Variants in ZNF469 observed in about 807,000 individuals in gnomAD.
ZNF469 encodes zinc finger protein 469.
A neutral mutation model predicts 1.0 loss-of-function variants in ZNF469; 1 was observed. The observed-to-expected ratio is 1.00, with a 90% CI of 0.35 to 4.73. The LOEUF (loss-of-function observed/expected upper bound fraction) is 4.73. Among genes scored for constraint, ZNF469 ranks in the 30% most tolerant of loss-of-function variants. The pLI, the probability that ZNF469 is intolerant of heterozygous loss-of-function variation, is 0.16. For missense variants in ZNF469, 6,100 were observed against 5,356.3 expected (o/e 1.14, Z -4.33); for synonymous variants, 2,703 against 2,363.4 (o/e 1.14, Z -4.17).
At chr16:88,194,276 C>T in the ZNF469 span, 57 of 152,364 alleles carry the variant, frequency 3.7e-4, 1 homozygote, top group East Asian at 6.7e-3. Flanking sequence ...CTCAGTGCCC[C>T]GTGATGTCAT....
chr16:88,145,562 G>T, the ZNF469 span, among the ~76,000 whole-genome samples: 1 of 152,266 alleles, frequency 6.6e-6, no homozygotes, highest in South Asian at 2.1e-4. Context: ...CAGGGTGGTG[G>T]TTCTGCTGCC....
the ZNF469 span, among the ~76,000 whole-genome samples, chr16:88,259,965 C>CT: frequency 2.4e-4 from 37 of 151,510 alleles, no homozygotes; most frequent in Middle Eastern, 3.4e-3. This position sits in a 1 kb window ranked among gnomAD's most constrained non-coding sequence, Gnocchi z 4.1. Context: ...TAAAAAGTCA[C>CT]TTTTTTTTTG....
the ZNF469 span, among the ~76,000 whole-genome samples, chr16:88,264,804 C>T: frequency 1.4e-5 from 2 of 138,570 alleles, no homozygotes; most frequent in African/African-American, 5.1e-5. Flanking sequence ...CCTGGCCACA[C>T]GGCCCCCCGC....
chr16:88,342,793 G>C, the ZNF469 span, among the ~76,000 whole-genome samples: 1 of 152,250 alleles, frequency 6.6e-6, no homozygotes, highest in Non-Finnish European at 1.5e-5. Flanking sequence ...GCCGCCTGAT[G>C]CCAGCGTAGG....
At chr16:88,370,077 G>A in the ZNF469 span, among the ~76,000 whole-genome samples, 4 of 152,222 alleles carry the variant, frequency 2.6e-5, no homozygotes, top group Admixed American at 2.0e-4. Context: ...TCCTGTGGCC[G>A]GGATGTCGAC....
chr16:88,366,713 TCATCACCATCATCA>T, the ZNF469 span, among the ~76,000 whole-genome samples: 3 of 150,432 alleles, frequency 2.0e-5, no homozygotes, highest in African/African-American at 4.9e-5. Context: ...ATCACCATCA[TCATCACCATCATCA>T]CATCACCATC....
At chr16:88,200,774 G>A in the ZNF469 span, among the ~76,000 whole-genome samples, 1 of 152,274 alleles carries the variant, frequency 6.6e-6, no homozygotes, top group Non-Finnish European at 1.5e-5. Flanking sequence ...GTGTTTCCAA[G>A]TCTTCTGAGG....
At chr16:88,329,911 C>T in the ZNF469 span, among the ~76,000 whole-genome samples, 2 of 152,178 alleles carry the variant, frequency 1.3e-5, no homozygotes, top group African/African-American at 4.8e-5. Flanking sequence ...GCACCACGGG[C>T]GCCCACAGGC....
the ZNF469 span, among the ~76,000 whole-genome samples, chr16:88,183,000 G>T: frequency 4.2e-4 from 64 of 152,196 alleles, 1 homozygote; most frequent in African/African-American, 1.5e-3. Context: ...TTCTGACAGG[G>T]GACTTGTACC....
At chr16:88,287,014 T>C in the ZNF469 span, among the ~76,000 whole-genome samples, 109,661 of 152,124 alleles carry the variant, frequency 0.72, 40,107 homozygotes, top group East Asian at 0.92. Context: ...TTCTTATTCT[T>C]TTGCTTTTAT....
At chr16:88,259,815 G>T in the ZNF469 span, among the ~76,000 whole-genome samples, 1 of 152,166 alleles carries the variant, frequency 6.6e-6, no homozygotes, top group Non-Finnish European at 1.5e-5. The surrounding 1 kb of genome is among the most constrained non-coding windows in gnomAD (Gnocchi z 4.1). Context: ...GGGGTGGGGG[G>T]CTGCAGGCTC....
the ZNF469 span, among the ~76,000 whole-genome samples, chr16:88,127,985 C>T: frequency 6.6e-6 from 1 of 152,300 alleles, no homozygotes; most frequent in African/African-American, 2.4e-5. Context: ...TTGCCTGTGC[C>T]GGCGGCCACA....
the ZNF469 span, among the ~76,000 whole-genome samples, chr16:88,219,506 C>A: frequency 6.9e-6 from 1 of 145,450 alleles, no homozygotes; most frequent in Non-Finnish European, 1.5e-5. Flanking sequence ...CTGAGAAAAA[C>A]AAGCAATGGG....
chr16:88,430,516 G>C lies in ZNF469; in HGVS notation c.3046G>C (p.Ala1016Pro). ...ADPAPRVPRA[A>P]ALPEETRSSR... is the part of the protein sequence containing the mutation. Reference sequence around the variant, plus strand: ...CCCCGCGCCCCGGGTCCCGAGAGCCGCCGCCCTCCCCGAGGAGACCCGCAG... The same window carrying C: ...CCCCGCGCCCCGGGTCCCGAGAGCCCCCGCCCTCCCCGAGGAGACCCGCAG... The change falls in exon 3 of 3, where the codon GCC (alanine) becomes CCC (proline). Residue 1016 changes from alanine (A) to proline (P), a missense_variant. Coordinates refer to ENST00000565624, the MANE Select transcript of ZNF469 (RefSeq NM_001367624.2). 1 of 1,429,594 alleles carries C rather than the reference G, an allele frequency of 7.0e-7. No homozygotes were observed. The allele number at this position is 1,429,594 out of a possible 1,614,324, so 88.6% of individuals were successfully genotyped here.
the ZNF469 span, among the ~76,000 whole-genome samples, chr16:88,120,887 A>G: frequency 6.6e-6 from 1 of 152,116 alleles, no homozygotes. Context: ...GCCTGACCTC[A>G]CCCGAGGGTG....
At chr16:88,413,678 G>A (rs74032849) in intron 1 of ZNF469, among the ~76,000 whole-genome samples, 2 of 152,328 alleles carry the variant, frequency 1.3e-5, no homozygotes, top group East Asian at 1.9e-4. Context: ...CGTTGAACTC[G>A]GTTTTCTCAG....
chr16:88,396,548 A>G (rs779830222), intron 1 of ZNF469, among the ~76,000 whole-genome samples: 2 of 147,346 alleles, frequency 1.4e-5, no homozygotes. Context: ...CCGGGAGGAG[A>G]CCCTCCTGAA....
chr16:88,186,670 G>A, the ZNF469 span, among the ~76,000 whole-genome samples: 8 of 152,168 alleles, frequency 5.3e-5, no homozygotes, highest in African/African-American at 1.7e-4. Context: ...ATCGTGCGGC[G>A]GTCAAAGTCG....
chr16:88,148,372 C>T, the ZNF469 span, among the ~76,000 whole-genome samples: 22 of 152,288 alleles, frequency 1.4e-4, no homozygotes, highest in South Asian at 4.1e-4. Flanking sequence ...TGCTCCATGC[C>T]GGACACACAC....
Sources: gnomAD v4.1 joint callset for allele counts (sites outside exome capture counted in the v4.1 genomes callset) on GRCh38, gnomAD v4.1.1 for gene constraint, Gnocchi (gnomAD v3.1) non-coding constraint, MANE v1.5 for transcripts, NCBI Gene and HGNC (gene_info 2026-07-23, HGNC 2026-07-21) for gene names.